Variants in UBTD1 observed in about 807,000 individuals in gnomAD.
UBTD1 encodes the protein ubiquitin domain containing 1, also known as ubiquitin domain-containing protein 1.
UBTD1 carries 19 observed loss-of-function variants against 21.7 expected under a neutral mutation model. The observed-to-expected ratio is 0.87, with a 90% CI of 0.61 to 1.28. UBTD1 has a LOEUF of 1.28. Ranked by LOEUF, UBTD1 falls within the 50% of genes most tolerant of loss-of-function variation. The pLI is 0.00. For missense variants in UBTD1, 282 were observed against 315.1 expected (o/e 0.89, Z 0.80); for synonymous variants, 116 against 135.1 (o/e 0.86, Z 0.98).
intron 1 of UBTD1, among the ~76,000 whole-genome samples, chr10:97,534,843 C>G (rs2040552305): frequency 6.6e-6 from 1 of 152,218 alleles, no homozygotes; most frequent in South Asian, 2.1e-4. Context: ...GAGACTCCAG[C>G]CCACACCTCT....
At chr10:97,539,432 C>A in intron 1 of UBTD1, among the ~76,000 whole-genome samples, 1 of 151,824 alleles carries the variant, frequency 6.6e-6, no homozygotes, top group East Asian at 1.9e-4. Context: ...CCTGTCTCTA[C>A]AAAAATTTAA....
At chr10:97,518,589 G>A (rs1439134143) in intron 1 of UBTD1, among the ~76,000 whole-genome samples, 1 of 152,190 alleles carries the variant, frequency 6.6e-6, no homozygotes, top group Non-Finnish European at 1.5e-5. Context: ...GCCAGATTTT[G>A]TCTTCTCCTG....
intron 1 of UBTD1, among the ~76,000 whole-genome samples, chr10:97,542,104 G>A (rs917560018): frequency 6.6e-6 from 1 of 152,062 alleles, no homozygotes; most frequent in Non-Finnish European, 1.5e-5. Flanking sequence ...TCCCAGCTCC[G>A]CCCCTCGCTA....
chr10:97,569,211 T>C (rs2040733078), intron 2 of UBTD1, among the ~76,000 whole-genome samples: 1 of 152,256 alleles, frequency 6.6e-6, no homozygotes, highest in Admixed American at 6.5e-5. Context: ...CTGACTGCCT[T>C]ACGACTGTAA....
intron 2 of UBTD1, among the ~76,000 whole-genome samples, chr10:97,569,133 G>C (rs891103321): frequency 6.6e-6 from 1 of 152,206 alleles, no homozygotes; most frequent in Admixed American, 6.5e-5. Context: ...ACAGACCTGG[G>C]TTTCAGTCTG....
In UBTD1 at chr10:97,570,122, C is replaced by T. The variant is rs1457511275; in HGVS notation, c.299-16C>T. The T allele has an allele frequency of 6.3e-7, 1 of 1,588,068 alleles. No individual in the cohort carries two copies. Among genetic ancestry groups the T allele is most frequent in the Non-Finnish European group, 8.6e-7 (1 of 1,162,896 alleles). ...GGATCCCCAAGCTGACTCTGACAGC[C>T]CTGCCTCTCCTACAGGCACCCTCTG... is the stretch of plus-strand genomic sequence containing the variant. On this transcript the variant is annotated splice_polypyrimidine_tract_variant and intron_variant, in intron 2 of 2. Coordinates refer to ENST00000370664, the MANE Select transcript of UBTD1 (RefSeq NM_024954.5). This position sits in a 1 kb window ranked among gnomAD's most constrained non-coding sequence, Gnocchi z 6.6.
At chr10:97,521,926 G>A (rs2040468427) in intron 1 of UBTD1, among the ~76,000 whole-genome samples, 1 of 152,234 alleles carries the variant, frequency 6.6e-6, no homozygotes, top group Non-Finnish European at 1.5e-5. Context: ...TGGACTGATT[G>A]TCCTTTGACT....
chr10:97,499,409 A>C, intron 1 of UBTD1, 136 bp downstream of exon 1: 4 of 1,133,934 alleles, frequency 3.5e-6, no homozygotes, highest in Non-Finnish European at 4.8e-6. Context: ...CCGCAGCCAG[A>C]GGGGGCCGCT....
chr10:97,538,720 G>A (rs569352695), intron 1 of UBTD1, among the ~76,000 whole-genome samples: 10 of 152,262 alleles, frequency 6.6e-5, no homozygotes, highest in Admixed American at 5.2e-4. Context: ...TCTTCCTTCT[G>A]GATCTCAAAG....
At chr10:97,552,596 T>C (rs1335724469) in intron 1 of UBTD1, among the ~76,000 whole-genome samples, 1 of 151,916 alleles carries the variant, frequency 6.6e-6, no homozygotes, top group African/African-American at 2.4e-5. Context: ...AGAGATGGGT[T>C]TTTACCATGT....
intron 1 of UBTD1, among the ~76,000 whole-genome samples, chr10:97,508,772 A>G (rs1265852941): frequency 1.3e-5 from 2 of 152,234 alleles, no homozygotes; most frequent in African/African-American, 2.4e-5. Context: ...TGCTTGGCAC[A>G]TAGTAGGTGC....
intron 1 of UBTD1, among the ~76,000 whole-genome samples, chr10:97,522,586 AC>A (rs1243155791): frequency 3.9e-4 from 60 of 152,190 alleles, no homozygotes; most frequent in African/African-American, 1.4e-3. Context: ...AGGAAACACA[AC>A]CCCAGAGATG....
At chr10:97,515,900 A>G (rs1035677049) in intron 1 of UBTD1, among the ~76,000 whole-genome samples, 1 of 152,218 alleles carries the variant, frequency 6.6e-6, no homozygotes, top group Non-Finnish European at 1.5e-5. Flanking sequence ...TGCAGATCGG[A>G]GGCAGCTCCA....
At chr10:97,531,080 G>T (rs780691455) in intron 1 of UBTD1, among the ~76,000 whole-genome samples, 1 of 151,498 alleles carries the variant, frequency 6.6e-6, no homozygotes, top group Admixed American at 6.6e-5. Flanking sequence ...GTAGAGACGG[G>T]GTTTCACCTT....
At chr10:97,564,521 A>G (rs971486072) in intron 1 of UBTD1, among the ~76,000 whole-genome samples, 2 of 152,114 alleles carry the variant, frequency 1.3e-5, no homozygotes, top group Non-Finnish European at 2.9e-5. Context: ...CACCTGTGAA[A>G]TTTCATCTAC....
intron 1 of UBTD1, among the ~76,000 whole-genome samples, chr10:97,539,399 G>T (rs567009480): frequency 7.2e-4 from 110 of 152,254 alleles, no homozygotes; most frequent in Middle Eastern, 6.8e-3. Context: ...TTCAAGACCA[G>T]TGTGGGCAAC....
chr10:97,525,733 T>C (rs1220529072), intron 1 of UBTD1, among the ~76,000 whole-genome samples: 1 of 152,232 alleles, frequency 6.6e-6, no homozygotes, highest in African/African-American at 2.4e-5. Flanking sequence ...TGACATACTC[T>C]AGATGGCCTT....
At chr10:97,559,296 A>G (rs6584135) in intron 1 of UBTD1, among the ~76,000 whole-genome samples, 145,215 of 152,352 alleles carry the variant, frequency 0.95, 69,414 homozygotes, top group Non-Finnish European at 0.99. Flanking sequence ...ACCTTAGTGG[A>G]AGGGGGACAA....
intron 1 of UBTD1, among the ~76,000 whole-genome samples, chr10:97,559,762 T>G (rs888013845): frequency 6.6e-6 from 1 of 152,342 alleles, no homozygotes; most frequent in Admixed American, 6.5e-5. Flanking sequence ...ATTTTTACTT[T>G]AATGTCCAGT....
Sources: gnomAD v4.1 joint callset for allele counts (sites outside exome capture counted in the v4.1 genomes callset) on GRCh38, gnomAD v4.1.1 for gene constraint, Gnocchi (gnomAD v3.1) non-coding constraint, MANE v1.5 for transcripts, NCBI Gene and HGNC (gene_info 2026-07-23, HGNC 2026-07-21) for gene names.